Variants in CELF2 observed in about 807,000 individuals in gnomAD.
CELF2 encodes CUGBP Elav-like family member 2.
In CELF2, 8 loss-of-function variants were observed where a neutral mutation model predicts 62.6. The observed-to-expected ratio is 0.13, with a 90% confidence interval of 0.07 to 0.23. The LOEUF is 0.23. CELF2 is among the 10% of genes least tolerant of loss of function. CELF2 has a pLI of 1.00. For synonymous variants in CELF2, 258 were observed against 250.0 expected, an observed-to-expected ratio of 1.03 and a Z score of -0.30; for missense variants, 333 against 671.0, an observed-to-expected ratio of 0.50 and a Z score of 5.56.
At chr10:11,240,040 A>T (rs993086517) in intron 3 of CELF2, among the ~76,000 whole-genome samples, 1 of 152,228 alleles carries the variant, frequency 6.6e-6, no homozygotes, top group Non-Finnish European at 1.5e-5. Context: ...CAACAAGAGC[A>T]AAACTCCATC....
At position 11,269,744 on chromosome 10, in the gene CELF2, C is replaced by T. The variant is rs932347239; in HGVS notation, c.619-922C>T. Among the ~76,000 whole-genome samples, 33 of 152,172 alleles carry T rather than the reference C, an allele frequency of 2.2e-4. No individual in the cohort carries two copies. Among genetic ancestry groups the T allele is most frequent in the African/African-American group, 6.8e-4 (28 of 41,450 alleles). On this transcript the variant is annotated intron_variant, in intron 6 of 12. Transcript: ENST00000633077. The surrounding 1 kb of genome is among the most constrained non-coding windows in gnomAD (Gnocchi z 4.4). ...AAAGGTGCTTTGGAAAGGAGGTCTTCGTGCTTGGGGTGTTAGGCCCTTATT... is the reference window on the plus strand; with the variant it reads ...AAAGGTGCTTTGGAAAGGAGGTCTTTGTGCTTGGGGTGTTAGGCCCTTATT...
chr10:10,672,137 T>C, the CELF2 span, among the ~76,000 whole-genome samples: 20 of 152,382 alleles, frequency 1.3e-4, no homozygotes, highest in South Asian at 2.1e-4. Flanking sequence ...ATATTTTATA[T>C]AGTAATCCTT....
chr10:10,662,035 G>T, the CELF2 span, among the ~76,000 whole-genome samples: 1 of 152,006 alleles, frequency 6.6e-6, no homozygotes, highest in East Asian at 1.9e-4. Flanking sequence ...CTGGAGAGTT[G>T]CGGGGGGTGG....
chr10:10,921,308 C>T (rs369679717), intron 2 of CELF2, among the ~76,000 whole-genome samples: 3 of 151,534 alleles, frequency 2.0e-5, no homozygotes, highest in Non-Finnish European at 2.9e-5. Context: ...CTCCTTCTGT[C>T]GCCCAGGCTG....
chr10:11,234,484 C>T (rs1387889932), intron 3 of CELF2, among the ~76,000 whole-genome samples: 1 of 152,072 alleles, frequency 6.6e-6, no homozygotes, highest in Non-Finnish European at 1.5e-5. Flanking sequence ...AGACGGAGAC[C>T]ATCCTAGCTA....
Position 11,280,687 on chromosome 10 carries a change from G to A in CELF2, c.841+5567G>A, listed in dbSNP as rs897053280. Among the ~76,000 whole-genome samples, 1 of 152,208 alleles carries A rather than the reference G, an allele frequency of 6.6e-6. No individual in the cohort carries two copies. The highest frequency in any genetic ancestry group is 1.5e-5 in the Non-Finnish European group (1 of 68,024). On this transcript the variant is annotated intron_variant, in intron 8 of 12. Coordinates refer to ENST00000633077, the MANE Select transcript of CELF2 (RefSeq NM_001326342.2). The surrounding 1 kb of genome is among the most constrained non-coding windows in gnomAD (Gnocchi z 7.6). Reference sequence around the variant, plus strand: ...ATCGGTAGGTGCAGGGATGTCCATGGGGCAGGATGGACAGAGGACACATGG... The same window carrying A: ...ATCGGTAGGTGCAGGGATGTCCATGAGGCAGGATGGACAGAGGACACATGG...
At chr10:11,225,546 T>C (rs2066235261) in intron 3 of CELF2, among the ~76,000 whole-genome samples, 1 of 152,236 alleles carries the variant, frequency 6.6e-6, no homozygotes, top group Non-Finnish European at 1.5e-5. Context: ...CGTGGATTAT[T>C]CAAGCTTTGA....
chr10:11,017,619 G>A (rs2057437194), upstream of CELF2, among the ~76,000 whole-genome samples: 1 of 152,146 alleles, frequency 6.6e-6, no homozygotes, highest in Non-Finnish European at 1.5e-5. This position sits in a 1 kb window ranked among gnomAD's most constrained non-coding sequence, Gnocchi z 5.5. Context: ...TTTGGCGCCT[G>A]GGTGGCCCTA....
rs894632907 is a variant in CELF2 at position 11,223,805 on chromosome 10, G to A, written c.354+6298G>A. ...ATCCAGGAGAGGATATCGGAGGATG[G>A]AAGGAAATCCTGGGCCCAGTGAGTT... On this transcript the variant is annotated intron_variant, in intron 3 of 12. Coordinates refer to ENST00000633077, the MANE Select transcript of CELF2 (RefSeq NM_001326342.2). This position sits in a 1 kb window ranked among gnomAD's most constrained non-coding sequence, Gnocchi z 5.1. Among the ~76,000 whole-genome samples, 20 of 152,212 alleles carry A rather than the reference G, an allele frequency of 1.3e-4. No individual in the cohort carries two copies. Among genetic ancestry groups the A allele is most frequent in the Non-Finnish European group, 2.5e-4 (17 of 68,046 alleles).
chr10:10,844,438 GA>G (rs919610120), intron 1 of CELF2, among the ~76,000 whole-genome samples: 1 of 152,012 alleles, frequency 6.6e-6, no homozygotes, highest in Non-Finnish European at 1.5e-5. Context: ...AATCTTAAGG[GA>G]AAAAAATGAA....
chr10:10,748,902 A>G, the CELF2 span, among the ~76,000 whole-genome samples: 187 of 152,252 alleles, frequency 1.2e-3, 1 homozygote, highest in African/African-American at 4.3e-3. Context: ...TTGGAAGCAG[A>G]GTCTGTAAAG....
intron 1 of CELF2, among the ~76,000 whole-genome samples, chr10:11,083,155 C>T (rs1166702562): frequency 6.6e-6 from 1 of 152,060 alleles, no homozygotes; most frequent in East Asian, 1.9e-4. Flanking sequence ...TTCAGGGTGA[C>T]CCTTCTGTTC....
At position 11,018,968 on chromosome 10, in the gene CELF2, A is replaced by G. The variant is rs953397443; in HGVS notation, c.74+805A>G. On this transcript the variant is annotated intron_variant, in intron 1 of 12. Transcript: ENST00000633077. ...CAGAAATTAGAGGTAATTTTTACGT[A>G]ATCATGGTTTGTCTGATATGCAGTC... 7 of 152,366 alleles carry G rather than the reference A, an allele frequency of 4.6e-5. No homozygotes were observed. The South Asian group carries it at 1.0e-3, about 23-fold the overall frequency. 9.4% of individuals were successfully genotyped at this position (152,366 alleles called of 1,614,324 possible).
At chr10:11,108,694 T>C (rs2054327383) in intron 1 of CELF2, among the ~76,000 whole-genome samples, 1 of 152,210 alleles carries the variant, frequency 6.6e-6, no homozygotes, top group African/African-American at 2.4e-5. Flanking sequence ...GAATGAAGTT[T>C]CCTGTTTCCC....
At chr10:10,832,967 C>A (rs980143910) in intron 1 of CELF2, among the ~76,000 whole-genome samples, 1 of 151,498 alleles carries the variant, frequency 6.6e-6, no homozygotes, top group Non-Finnish European at 1.5e-5. Context: ...GGTGTACTCA[C>A]CGACAATTTT....
chr10:10,988,300 G>T lies in CELF2; in HGVS notation c.89+68301G>T, dbSNP rs569410342. Reference sequence around the variant, plus strand: ...GTGTATATATATATATATATAGAGAGAGAGAGAGAGAGAGCATGGAATACT... The same window carrying T: ...GTGTATATATATATATATATAGAGATAGAGAGAGAGAGAGCATGGAATACT... On this transcript the variant is annotated intron_variant, in intron 2 of 13. Coordinates refer to the CELF2 transcript ENST00000636488. 3.5e-3 allele frequency among the ~76,000 whole-genome samples: 538 copies of T among 151,668 alleles called. 4 individuals are homozygous for T. Among genetic ancestry groups the T allele is most frequent in the African/African-American group, 7.9e-3 (328 of 41,342 alleles).
intron 1 of CELF2, among the ~76,000 whole-genome samples, chr10:11,122,728 T>G (rs115073819): frequency 2.0e-5 from 3 of 152,252 alleles, no homozygotes; most frequent in African/African-American, 4.8e-5. Context: ...CTTTAAAGTT[T>G]TATTGATGCA....
At chr10:10,586,360 A>C in the CELF2 span, among the ~76,000 whole-genome samples, 1 of 152,198 alleles carries the variant, frequency 6.6e-6, no homozygotes, top group South Asian at 2.1e-4. Flanking sequence ...TTCAGGCCAA[A>C]TGAAACTTAC....
chr10:10,816,939 G>A (rs551592622), intron 1 of CELF2, among the ~76,000 whole-genome samples: 1 of 152,178 alleles, frequency 6.6e-6, no homozygotes, highest in Non-Finnish European at 1.5e-5. Context: ...CCTTAAGAAA[G>A]AAAATTACTG....
Sources: gnomAD v4.1 joint callset for allele counts (sites outside exome capture counted in the v4.1 genomes callset) on GRCh38, gnomAD v4.1.1 for gene constraint, Gnocchi (gnomAD v3.1) non-coding constraint, MANE v1.5 for transcripts, NCBI Gene and HGNC (gene_info 2026-07-23, HGNC 2026-07-21) for gene names.